SPEN: variants seen among roughly 807,000 people sequenced by gnomAD.
The protein encoded by SPEN is spen family transcriptional repressor, also known as msx2-interacting protein.
Under a neutral mutation model 269.9 loss-of-function variants are expected in SPEN, and 18 were observed. That is an observed-to-expected ratio of 0.07 (90% CI 0.05 to 0.10). SPEN has a LOEUF of 0.10. Among genes scored for constraint, SPEN ranks in the 10% least tolerant of loss-of-function variants. SPEN has a pLI of 1.00. For missense variants in SPEN, 3,822 were observed against 4,631.2 expected, an observed-to-expected ratio of 0.83 and a Z score of 5.07; for synonymous variants, 1,726 against 1,765.7, an observed-to-expected ratio of 0.98 and a Z score of 0.56.
At position 15,930,895 on chromosome 1, in the gene SPEN, A is replaced by G; in HGVS notation, c.4655A>G (p.Asp1552Gly). The G allele has an allele frequency of 1.2e-6, 2 of 1,614,128 alleles. No homozygotes were observed. The highest frequency in any genetic ancestry group is 1.7e-6 in the Non-Finnish European group (2 of 1,180,022). Residue 1552 changes from aspartate to glycine, a missense_variant, in exon 11 of 15, where the codon GAT becomes GGT. Asp to Gly is a moderately conservative substitution (Grantham distance 94). This residue lies in a region of SPEN where 533 missense variants were observed against 618.8 expected (regional missense o/e 0.86). Transcript: ENST00000375759. This position sits in a 1 kb window ranked among gnomAD's most constrained non-coding sequence, Gnocchi z 5.3. ...CAGCATCTAGAGAGAAAAGAGGAAGATTCTGACTTCATTTCTGGTAGGATC... is the reference window on the plus strand; with the variant it reads ...CAGCATCTAGAGAGAAAAGAGGAAGGTTCTGACTTCATTTCTGGTAGGATC... ...RLQHLERKEE[D>G]SDFISGRIYG...
At position 15,857,200 on chromosome 1, in the gene SPEN, G is replaced by A. The variant is rs575260931; in HGVS notation, c.83+9050G>A. 1.5e-4 allele frequency among the ~76,000 whole-genome samples: 22 copies of A among 151,654 alleles called. 1 individual carries two copies. The South Asian group carries it at 4.6e-3, about 32-fold the overall frequency. On this transcript the variant is annotated intron_variant, in intron 1 of 14. Coordinates refer to ENST00000375759, the MANE Select transcript of SPEN (RefSeq NM_015001.3). ...CCATCTTAGCTTTCCAAGTAGCTAG[G>A]ACTACAGGCGCACACCACCATACTC...
intron 4 of SPEN, 90 bp from the exon 5 acceptor site, chr1:15,911,011 G>A (rs977053973): frequency 2.6e-5 from 30 of 1,146,806 alleles, no homozygotes; most frequent in Non-Finnish European, 3.6e-5. Context: ...ACAAAAAAAT[G>A]AGAAAATCAG....
rs556794015 is a variant in SPEN at position 15,916,090 on chromosome 1, T to C, written c.1244-38T>C. 6 of 1,575,606 alleles carry C rather than the reference T, an allele frequency of 3.8e-6. No homozygotes were observed. The Admixed American group carries it at 1.0e-4, about 27-fold the overall frequency. On this transcript the variant is annotated intron_variant, in intron 5 of 14. Coordinates refer to ENST00000375759, the MANE Select transcript of SPEN (RefSeq NM_015001.3). ...GATATATAAATATGCATTAAAATAC[T>C]GTCTTCTCTTTTTACTCGGCCCCCA...
At chr1:15,898,843 G>T (rs1484179306) in intron 3 of SPEN, among the ~76,000 whole-genome samples, 1 of 152,090 alleles carries the variant, frequency 6.6e-6, no homozygotes, top group African/African-American at 2.4e-5. Context: ...GGTTACAGGC[G>T]TGAGCCACTG....
rs1557729500 is a variant in SPEN at position 15,847,893 on chromosome 1, G to T, written c.-175G>T. ...CTGCGAGGCCCGAGAGTCAGAACCT[G>T]GGGGAGAGGGATGGTCTCTGCACGG... is the stretch of plus-strand genomic sequence containing the variant. On this transcript the variant is annotated 5_prime_UTR_variant, in exon 1 of 15. Transcript: ENST00000375759. The T allele has an allele frequency of 1.0e-5, 3 of 298,738 alleles. No individual in the cohort carries two copies. The highest frequency in any genetic ancestry group is 1.3e-5 in the Non-Finnish European group (2 of 159,600). 18.5% of individuals were successfully genotyped at this position (298,738 alleles called of 1,614,324 possible).
chr1:15,853,581 C>T (rs745651420), intron 1 of SPEN, among the ~76,000 whole-genome samples: 7 of 152,088 alleles, frequency 4.6e-5, no homozygotes, highest in Non-Finnish European at 1.0e-4. Flanking sequence ...GCAACCTCCT[C>T]CTCCTGGGTT....
rs779247914 is a variant in SPEN, at chr1:15,919,528, G to A, written c.1635+11G>A. On this transcript the variant is annotated intron_variant, in intron 8 of 14. Transcript: ENST00000375759. ...GGGCCTGTGGTAAAGGTAGGCGGGA[G>A]GTTTTGGTATGTGGTTCAGACTTCT... 2.6e-6 allele frequency: 4 copies of A among 1,560,402 alleles called. No homozygotes were observed. Among genetic ancestry groups the A allele is most frequent in the Non-Finnish European group, 3.5e-6 (4 of 1,151,302 alleles).
In SPEN at chr1:15,848,212, G is replaced by T. The variant is rs1259147652; in HGVS notation, c.83+62G>T. 1 of 1,240,808 alleles carries T rather than the reference G, an allele frequency of 8.1e-7. No homozygotes were observed. The highest frequency in any genetic ancestry group is 1.1e-6 in the Non-Finnish European group (1 of 918,800). 76.9% of individuals were successfully genotyped at this position (1,240,808 alleles called of 1,614,324 possible). On this transcript the variant is annotated intron_variant, in intron 1 of 14. Transcript: ENST00000375759. This position sits in a 1 kb window ranked among gnomAD's most constrained non-coding sequence, Gnocchi z 5.1. ...CGGGCGCCGCTTCCCGCCCCGGCCC[G>T]TTGCCGGCCCCTCCCGGAGCGCGGA... is the stretch of plus-strand genomic sequence containing the variant.
chr1:15,903,679 A>C (rs2070924859), intron 3 of SPEN, among the ~76,000 whole-genome samples: 1 of 152,000 alleles, frequency 6.6e-6, no homozygotes, highest in African/African-American at 2.4e-5. Context: ...TTATGAAAAG[A>C]CTGGGGTCTT....
At chr1:15,852,119 T>C (rs376736332) in intron 1 of SPEN, among the ~76,000 whole-genome samples, 22 of 152,368 alleles carry the variant, frequency 1.4e-4, no homozygotes, top group African/African-American at 5.1e-4. Flanking sequence ...TATCTTTACC[T>C]CTGGGACACA....
At position 15,847,955 on chromosome 1, in the gene SPEN, ACCGCCGCAGCCGCCGCCG is replaced by A. The variant is rs1275198033; in HGVS notation, c.-105_-88del. 9 of 519,622 alleles carry A rather than the reference ACCGCCGCAGCCGCCGCCG, an allele frequency of 1.7e-5. No individual in the cohort carries two copies. The highest frequency in any genetic ancestry group is 1.6e-4 in the African/African-American group (8 of 49,050). 32.2% of individuals were successfully genotyped at this position (519,622 alleles called of 1,614,324 possible). The stretch of plus-strand genomic sequence containing the variant: ...AGGAGCCGCCGCCGCTGCCGACGCC[ACCGCCGCAGCCGCCGCCG>A]CCGCCGCCCCGGCACCCGCCTCCCG... On this transcript the variant is annotated 5_prime_UTR_variant, in exon 1 of 15. Transcript: ENST00000375759.
intron 1 of SPEN, among the ~76,000 whole-genome samples, chr1:15,864,031 A>G (rs1288808981): frequency 1.3e-5 from 2 of 152,222 alleles, no homozygotes; most frequent in African/African-American, 2.4e-5. Flanking sequence ...GACACATGCT[A>G]CAACATTTGA....
At chr1:15,849,843 T>G (rs2070315582) in intron 1 of SPEN, among the ~76,000 whole-genome samples, 1 of 152,154 alleles carries the variant, frequency 6.6e-6, no homozygotes, top group Admixed American at 6.6e-5. Context: ...TGTGCTCACT[T>G]TAATCCCCTG....
In SPEN at chr1:15,876,378, T is replaced by C. The variant is rs745451738; in HGVS notation, c.581T>C (p.Phe194Ser). 1.2e-5 allele frequency: 20 copies of C among 1,613,926 alleles called. 1 individual carries two copies. The highest frequency in any genetic ancestry group is 7.7e-5 in the South Asian group (7 of 91,070). The change falls in exon 3 of 15, where the codon TTT becomes TCT. Residue 194 changes from phenylalanine to serine, a missense_variant. Around this residue, in one of 16 missense-constraint regions of SPEN, gnomAD observed 327 missense variants for 350.8 expected, o/e 0.93. Transcript: ENST00000375759. ...TCTCGGAGTCGAAGTCCAAATCGCT[T>C]TGATGCTCATGACCCCCGATATGAA... The part of the protein sequence containing the change: ...YASRSRSPNR[F>S]DAHDPRYEPR...
Position 15,884,024 on chromosome 1 carries a change from A to G in SPEN, c.881+7346A>G, listed in dbSNP as rs571698282. 3.3e-5 allele frequency among the ~76,000 whole-genome samples: 5 copies of G among 151,848 alleles called. 1 individual carries two copies. On this transcript the variant is annotated intron_variant, in intron 3 of 14. Transcript: ENST00000375759. ...TGGGGGTTTCATCATGTTAGCCAGG[A>G]TGGTCTCGATCTCCTGACCTTGTGA...
intron 1 of SPEN, among the ~76,000 whole-genome samples, chr1:15,861,447 A>C (rs1041305106): frequency 1.3e-5 from 2 of 151,998 alleles, no homozygotes; most frequent in Non-Finnish European, 2.9e-5. Context: ...TTTTTTATGG[A>C]GTAAGGATAA....
At chr1:15,916,305 A>G (rs2071066718) in intron 6 of SPEN, 26 bp downstream of exon 6, 2 of 1,603,474 alleles carry the variant, frequency 1.2e-6, no homozygotes, top group South Asian at 2.2e-5. Context: ...TATGTAAACA[A>G]TTTTAGGTCT....
At position 15,929,072 on chromosome 1, in the gene SPEN, G is replaced by A; in HGVS notation, c.2832G>A (p.Gly944=). ...GAATGAAAGTACCAAAGGAAAAGGG[G>A]CTTTCAAGCCATGTTGAAGTGGTGG... ...SVRMKVPKEK[G]LSSHVEVVEK... is the part of the protein sequence containing the mutation. The change falls in exon 11 of 15, where the codon GGG becomes GGA. Residue 944 remains glycine (G), a synonymous_variant. Transcript: ENST00000375759. The surrounding 1 kb of genome is among the most constrained non-coding windows in gnomAD (Gnocchi z 5.8). The A allele has an allele frequency of 6.2e-7, 1 of 1,614,196 alleles. No individual in the cohort carries two copies. Among genetic ancestry groups the A allele is most frequent in the East Asian group, 2.2e-5 (1 of 44,878 alleles).
intron 1 of SPEN, among the ~76,000 whole-genome samples, chr1:15,857,176 C>T (rs2070395695): frequency 6.6e-6 from 1 of 151,876 alleles, no homozygotes; most frequent in African/African-American, 2.4e-5. Context: ...GAGATCCTCC[C>T]ATCTTAGCTT....
Sources: allele counts gnomAD v4.1 joint callset (sites outside exome capture counted in the v4.1 genomes callset), GRCh38; gene constraint gnomAD v4.1.1; regional missense constraint gnomAD v4.1.1; non-coding constraint Gnocchi (gnomAD v3.1); transcripts MANE v1.5; gene names NCBI Gene and HGNC (gene_info 2026-07-23, HGNC 2026-07-21).